Variants in XYLB observed in about 807,000 individuals in gnomAD.
XYLB encodes the protein xylulokinase, also known as xylulose kinase.
XYLB carries 62 observed loss-of-function variants against 78.7 expected under a neutral mutation model. The observed-to-expected ratio is 0.79, with a 90% confidence interval of 0.64 to 0.97. The LOEUF is 0.97. Ranked by LOEUF, XYLB falls within the 50% of genes least tolerant of loss-of-function variation. The probability of loss-of-function intolerance (pLI) is 0.00; values close to 1 mark genes in which losing one functional copy is unlikely to be tolerated. For missense variants in XYLB, 687 were observed against 676.8 expected (o/e 1.02, Z -0.17); for synonymous variants, 245 against 247.4 (o/e 0.99, Z 0.09).
rs1226389112 is a variant in XYLB at position 38,353,313 on chromosome 3, TA to T, written c.140+4682del. 1.1e-4 allele frequency among the ~76,000 whole-genome samples: 17 copies of T among 152,294 alleles called. No homozygotes were observed. In the South Asian group the frequency reaches 3.3e-3, roughly 30 times the overall value. The stretch of plus-strand genomic sequence containing the variant: ...ACACCAACCATGTTTTTATTTAATT[TA>T]TTTTTTTTATTTGAGACAGGAGCTG... On this transcript the variant is annotated intron_variant, in intron 2 of 18. Transcript: ENST00000207870.
At chr3:38,372,063 T>C (rs1308463715) in intron 9 of XYLB, among the ~76,000 whole-genome samples, 1 of 152,182 alleles carries the variant, frequency 6.6e-6, no homozygotes, top group Non-Finnish European at 1.5e-5. Flanking sequence ...TGAAAAGGCA[T>C]TTTCATTTGT....
At chr3:38,423,538 C>A (rs1709042621), downstream of XYLB, among the ~76,000 whole-genome samples, 1 of 152,194 alleles carries the variant, frequency 6.6e-6, no homozygotes, top group Admixed American at 6.5e-5. Flanking sequence ...AAGACTGTTT[C>A]TTTATTATCC....
chr3:38,350,480 T>A (rs1026486599), intron 2 of XYLB, among the ~76,000 whole-genome samples: 2 of 152,202 alleles, frequency 1.3e-5, no homozygotes, highest in African/African-American at 4.8e-5. Flanking sequence ...TTTTCTTTGG[T>A]TATCCTGGCT....
At chr3:38,358,420 T>C (rs1705795606) in intron 2 of XYLB, among the ~76,000 whole-genome samples, 1 of 145,148 alleles carries the variant, frequency 6.9e-6, no homozygotes, top group Non-Finnish European at 1.5e-5. Context: ...TCTCAGCTCA[T>C]TGCATCCTCC....
downstream of XYLB, among the ~76,000 whole-genome samples, chr3:38,422,159 A>G (rs1442185120): frequency 6.6e-6 from 1 of 152,238 alleles, no homozygotes; most frequent in African/African-American, 2.4e-5. Context: ...AGATGATGCC[A>G]GCGGTATGGC....
chr3:38,440,159 G>A, the XYLB span, among the ~76,000 whole-genome samples: 1 of 152,098 alleles, frequency 6.6e-6, no homozygotes, highest in Non-Finnish European at 1.5e-5. Context: ...AGCTTTGAGG[G>A]GCACTAATAT....
rs547784678 is a variant in XYLB, at chr3:38,354,504, AT to A, written c.141-5820del. Among the ~76,000 whole-genome samples the A allele has an allele frequency of 6.7e-3, 924 of 138,660 alleles. 6 individuals carry two copies. The highest frequency in any genetic ancestry group is 0.017 in the African/African-American group (649 of 37,644). 91.0% of individuals were successfully genotyped at this position (138,660 alleles called of 152,430 possible). ...CAGGTTCCAGAAAGCCAAATTGTTAATTTTTTTTTTTTTTTGGACATGGAGT... is the reference window on the plus strand; with the variant it reads ...CAGGTTCCAGAAAGCCAAATTGTTAATTTTTTTTTTTTTTGGACATGGAGT... On this transcript the variant is annotated intron_variant, in intron 2 of 18. Transcript: ENST00000207870.
downstream of XYLB, among the ~76,000 whole-genome samples, chr3:38,417,828 T>G (rs184040578): frequency 7.1e-3 from 1,017 of 143,316 alleles, 8 homozygotes; most frequent in African/African-American, 0.026. Flanking sequence ...TGCAGCGAGC[T>G]GAGATCTCGC....
chr3:38,431,999 A>G, the XYLB span, among the ~76,000 whole-genome samples: 2 of 152,208 alleles, frequency 1.3e-5, no homozygotes, highest in Admixed American at 6.5e-5. Context: ...AGGTACAGGC[A>G]TTGGGTAAAT....
downstream of XYLB, among the ~76,000 whole-genome samples, chr3:38,416,398 A>G (rs1708795765): frequency 6.6e-6 from 1 of 152,224 alleles, no homozygotes; most frequent in South Asian, 2.1e-4. Context: ...AATGTAAATC[A>G]TCAATGCTCA....
intron 15 of XYLB, among the ~76,000 whole-genome samples, chr3:38,387,342 T>C (rs899290774): frequency 1.3e-5 from 2 of 151,920 alleles, no homozygotes; most frequent in Non-Finnish European, 2.9e-5. Flanking sequence ...CCTGCTTCAG[T>C]TGGACAAGTT....
Position 38,376,921 on chromosome 3 carries a change from T to C in XYLB, c.1124T>C (p.Phe375Ser). 1 of 1,613,706 alleles carries C rather than the reference T, an allele frequency of 6.2e-7. No individual in the cohort carries two copies. Among genetic ancestry groups the C allele is most frequent in the Non-Finnish European group, 8.5e-7 (1 of 1,179,754 alleles). The change falls in exon 14 of 19, where the codon TTT becomes TCT. Residue 375 changes from phenylalanine (F) to serine (S), a missense_variant. Physicochemically the swap from Phe to Ser is radical, Grantham distance 155. Transcript: ENST00000207870. Reference protein sequence around the residue: ...TEMGNGGNLGFYFDVMEITPE... With the variant: ...TEMGNGGNLGSYFDVMEITPE... Reference sequence around the variant, plus strand: ...TCTCTTCCTGGTTTTATTTCAGGTTTTTATTTTGATGTAATGGAGATCACC... The same window carrying C: ...TCTCTTCCTGGTTTTATTTCAGGTTCTTATTTTGATGTAATGGAGATCACC...
In XYLB at chr3:38,397,176, A is replaced by G. The variant is rs1707908313; in HGVS notation, c.1438+17A>G. 6.2e-7 allele frequency: 1 copy of G among 1,613,064 alleles called. No homozygotes were observed. Among genetic ancestry groups the G allele is most frequent in the African/African-American group, 1.3e-5 (1 of 74,958 alleles). On this transcript the variant is annotated intron_variant, in intron 17 of 18. Coordinates refer to ENST00000207870, the MANE Select transcript of XYLB (RefSeq NM_005108.4). ...CTTTTCATGGTAGGTTGATGGAGGGAGACAGCTATCTCTGGAAGTGGCCAG... is the reference window on the plus strand; with the variant it reads ...CTTTTCATGGTAGGTTGATGGAGGGGGACAGCTATCTCTGGAAGTGGCCAG...
chr3:38,442,073 T>C, the XYLB span, among the ~76,000 whole-genome samples: 5 of 152,158 alleles, frequency 3.3e-5, no homozygotes, highest in African/African-American at 9.7e-5. Context: ...TGGGGATCCA[T>C]AGTCAGCAAA....
At chr3:38,424,061 C>G (rs1212229158), downstream of XYLB, among the ~76,000 whole-genome samples, 2 of 152,204 alleles carry the variant, frequency 1.3e-5, no homozygotes, top group Admixed American at 6.5e-5. Flanking sequence ...AGATCCCAGT[C>G]TCACAAACCC....
chr3:38,391,117 G>A (rs1298598535), intron 15 of XYLB, among the ~76,000 whole-genome samples: 1 of 152,156 alleles, frequency 6.6e-6, no homozygotes, highest in Non-Finnish European at 1.5e-5. Flanking sequence ...AGGAGGCTGA[G>A]GCGGGAGAAT....
Position 38,385,942 on chromosome 3 carries a change from G to GAT in XYLB, c.1291+6610_1291+6611dup, listed in dbSNP as rs567502880. Among the ~76,000 whole-genome samples, 89 of 151,962 alleles carry GAT rather than the reference G, an allele frequency of 5.9e-4. No individual in the cohort carries two copies. The East Asian group carries it at 9.1e-3, about 15-fold the overall frequency. ...AGTGGGCTGAGCTGGGAAATATTAG[G>GAT]ATATATATATACATATCCAAATATA... On this transcript the variant is annotated intron_variant, in intron 15 of 18. Transcript: ENST00000207870.
chr3:38,406,837 A>G (rs1240814731), intron 18 of XYLB, among the ~76,000 whole-genome samples: 1 of 152,232 alleles, frequency 6.6e-6, no homozygotes, highest in Non-Finnish European at 1.5e-5. Context: ...TAGAGAAAAA[A>G]GAATAAAAAG....
Position 38,379,338 on chromosome 3 carries a change from A to C in XYLB, c.1287A>C (p.Arg429=). ...KRIHAEGLGY[R]VMSKTKILAT... ...TTCACGCAGAAGGCCTGGGCTATCG[A>C]GTCAGTAAGTGAGCCACTGGCAGCA... Residue 429 remains arginine, a synonymous_variant, in exon 15 of 19, where the codon CGA becomes CGC. Coordinates refer to ENST00000207870, the MANE Select transcript of XYLB (RefSeq NM_005108.4). 1 of 1,613,992 alleles carries C rather than the reference A, an allele frequency of 6.2e-7. No homozygotes were observed. Among genetic ancestry groups the C allele is most frequent in the Non-Finnish European group, 8.5e-7 (1 of 1,180,002 alleles).
Sources: allele counts gnomAD v4.1 joint callset (sites outside exome capture counted in the v4.1 genomes callset), GRCh38; gene constraint gnomAD v4.1.1; transcripts MANE v1.5; gene names NCBI Gene and HGNC (gene_info 2026-07-23, HGNC 2026-07-21).